WASHC2A: variants seen among roughly 807,000 people sequenced by gnomAD.
WASHC2A encodes the protein WASH complex subunit 2A.
Under a neutral mutation model 140.3 loss-of-function variants are expected in WASHC2A, and 82 were observed. The ratio of observed to expected loss-of-function variants is 0.58; its 90% CI spans 0.49 to 0.70. The LOEUF is 0.70. Among genes scored for constraint, WASHC2A ranks in the 30% least tolerant of loss-of-function variants. The pLI is 0.00. For missense variants in WASHC2A, 985 were observed against 1,521.8 expected (o/e 0.65, Z 5.87); for synonymous variants, 340 against 560.8 (o/e 0.61, Z 5.56).
intron 8 of WASHC2A, among the ~76,000 whole-genome samples, chr10:50,089,123 C>T (rs1259829284): frequency 1.3e-5 from 2 of 150,752 alleles, no homozygotes; most frequent in African/African-American, 4.9e-5. Context: ...TGCCACCATG[C>T]CCAGCTAGTT....
intron 19 of WASHC2A, among the ~76,000 whole-genome samples, chr10:50,107,503 C>CT (rs533108331): frequency 0.028 from 4,234 of 151,060 alleles, 171 homozygotes; most frequent in African/African-American, 0.093. Flanking sequence ...AATAATTCCT[C>CT]TTTTTTTTTA....
At position 50,126,176 on chromosome 10, in the gene WASHC2A, T is replaced by C. The variant is rs570061016; in HGVS notation, c.2808T>C (p.Pro936=). The change falls in exon 26 of 31, where the codon CCT becomes CCC. Residue 936 remains proline, a synonymous_variant. Coordinates refer to ENST00000282633, the MANE Select transcript of WASHC2A (RefSeq NM_001005751.3). The part of the protein sequence containing the change: ...KEKGIWKPET[P]QDSSGLAPFK... ...AAGGCATATGGAAGCCGGAAACACCTCAGGTTAGAAATCCTCTTTAAGGAT... is the reference window on the plus strand; with the variant it reads ...AAGGCATATGGAAGCCGGAAACACCCCAGGTTAGAAATCCTCTTTAAGGAT... The C allele has an allele frequency of 1.8e-4, 298 of 1,613,226 alleles. 4 individuals are homozygous for C. The South Asian group carries it at 3.2e-3, about 17-fold the overall frequency.
chr10:50,127,949 C>T (rs1183845862), intron 28 of WASHC2A, among the ~76,000 whole-genome samples, 154 bp downstream of exon 28: 2 of 152,100 alleles, frequency 1.3e-5, no homozygotes, highest in Non-Finnish European at 2.9e-5. Context: ...ACTCCATTCT[C>T]CCCACCCCCC....
chr10:50,128,602 A>G (rs2133099073), intron 28 of WASHC2A, among the ~76,000 whole-genome samples: 1 of 152,300 alleles, frequency 6.6e-6, no homozygotes, highest in East Asian at 1.9e-4. Context: ...ATGTTTCCAA[A>G]CCTGTTTCCT....
intron 2 of WASHC2A, among the ~76,000 whole-genome samples, chr10:50,068,929 A>G (rs868951625): frequency 2.1e-5 from 3 of 144,110 alleles, no homozygotes; most frequent in Middle Eastern, 7.4e-3. Context: ...TGTTGCCCAG[A>G]CTGGTCTGCA....
At chr10:50,107,926 A>AAAAAAAAAAAGAGAG (rs1841951969) in intron 19 of WASHC2A, among the ~76,000 whole-genome samples, 1 of 83,224 alleles carries the variant, frequency 1.2e-5, no homozygotes, top group Non-Finnish European at 2.5e-5. Flanking sequence ...CCGTCTCAAA[A>AAAAAAAAAAAGAGAG]AAAAGCTTAT....
intron 16 of WASHC2A, among the ~76,000 whole-genome samples, chr10:50,098,294 T>G (rs1261562883): frequency 5.3e-5 from 8 of 152,074 alleles, no homozygotes; most frequent in African/African-American, 1.9e-4. Flanking sequence ...AATACAGATT[T>G]AAAATTATCT....
chr10:50,129,851 G>A lies in WASHC2A; in HGVS notation c.3520G>A (p.Ala1174Thr). The change falls in exon 29 of 31, where the codon GCT (alanine) becomes ACT (threonine). Residue 1174 changes from alanine to threonine, a missense_variant. Coordinates refer to ENST00000282633, the MANE Select transcript of WASHC2A (RefSeq NM_001005751.3). ...GGKAKSPMFP[A>T]LGEASSDDDL... ...TAAAGCAAAGAGCCCCATGTTTCCTGCTCTAGGTGAGGCCAGCAGTGATGA... is the reference window on the plus strand; with the variant it reads ...TAAAGCAAAGAGCCCCATGTTTCCTACTCTAGGTGAGGCCAGCAGTGATGA... The A allele has an allele frequency of 6.2e-7, 1 of 1,612,034 alleles. No homozygotes were observed.
intron 5 of WASHC2A, among the ~76,000 whole-genome samples, chr10:50,082,636 C>G (rs1349400777): frequency 6.6e-6 from 1 of 150,604 alleles, no homozygotes; most frequent in Non-Finnish European, 1.5e-5. Flanking sequence ...TAACATGACA[C>G]CTGGCTAATT....
At chr10:50,104,188 A>G in intron 18 of WASHC2A, 45 bp downstream of exon 18, 1 of 1,566,586 alleles carries the variant, frequency 6.4e-7, no homozygotes, top group South Asian at 1.1e-5. Context: ...ATTAGGAGAA[A>G]ACGGTTGTTG....
At chr10:50,068,293 C>G in intron 2 of WASHC2A, 66 bp downstream of exon 2, 2 of 1,439,602 alleles carry the variant, frequency 1.4e-6, no homozygotes, top group East Asian at 2.5e-5. Context: ...GCAGGAGGGC[C>G]GGACCGCGAC....
At position 50,125,186 on chromosome 10, in the gene WASHC2A, T is replaced by A. The variant is rs1843331692; in HGVS notation, c.2552T>A (p.Leu851His). The A allele has an allele frequency of 1.2e-6, 2 of 1,610,420 alleles. No homozygotes were observed. The highest frequency in any genetic ancestry group is 1.7e-6 in the Non-Finnish European group (2 of 1,179,540). The stretch of plus-strand genomic sequence containing the variant: ...GAAGAGCTGCTTTTCAGCCACAAGC[T>A]CCAAAAGGACAATGACCCAGATGTT... ...QDEELLFSHK[L>H]QKDNDPDVDL... The change falls in exon 24 of 31, where the codon CTC becomes CAC. Residue 851 changes from leucine to histidine, a missense_variant. By Grantham distance (99) the Leu-to-His change is moderately conservative. Transcript: ENST00000282633.
intron 10 of WASHC2A, 32 bp downstream of exon 10, chr10:50,091,550 G>A (rs1221131523): frequency 1.6e-5 from 25 of 1,549,532 alleles, no homozygotes; most frequent in Admixed American, 3.9e-5. Context: ...GGGGAGTAGG[G>A]GGGGAGTAGT....
chr10:50,095,803 A>G, intron 15 of WASHC2A, 25 bp downstream of exon 15: 1 of 1,584,440 alleles, frequency 6.3e-7, no homozygotes, highest in Non-Finnish European at 8.6e-7. Context: ...CTCCGTTTCT[A>G]GGACTTCAGC....
chr10:50,126,200 A>T (rs1843415462), intron 26 of WASHC2A, 21 bp downstream of exon 26: 1 of 1,612,780 alleles, frequency 6.2e-7, no homozygotes, highest in Non-Finnish European at 8.5e-7. Context: ...CTCTTTAAGG[A>T]TTTTCAGCTC....
At chr10:50,097,836 T>C (rs1589215203) in intron 16 of WASHC2A, 34 bp downstream of exon 16, 2 of 1,611,468 alleles carry the variant, frequency 1.2e-6, no homozygotes, top group Non-Finnish European at 1.7e-6. Flanking sequence ...GCAGGAGCAT[T>C]GATCTGCCGC....
chr10:50,078,832 G>C, intron 4 of WASHC2A, 95 bp downstream of exon 4: 1 of 1,611,268 alleles, frequency 6.2e-7, no homozygotes, highest in Non-Finnish European at 8.5e-7. Flanking sequence ...TGGTGGGCGG[G>C]GTTGGGAAAG....
chr10:50,120,002 G>C (rs1842901929), intron 23 of WASHC2A, among the ~76,000 whole-genome samples: 2 of 137,340 alleles, frequency 1.5e-5, no homozygotes, highest in South Asian at 5.0e-4. Context: ...GGGATTTACA[G>C]ACCTTGTTGT....
At chr10:50,112,718 AT>A (rs1405868904) in intron 20 of WASHC2A, among the ~76,000 whole-genome samples, 2 of 152,072 alleles carry the variant, frequency 1.3e-5, no homozygotes, top group East Asian at 3.9e-4. Context: ...TTCTTCAGCA[AT>A]AAAAAAGAAT....
Sources: gnomAD v4.1 joint callset for allele counts (sites outside exome capture counted in the v4.1 genomes callset) on GRCh38, gnomAD v4.1.1 for gene constraint, MANE v1.5 for transcripts, NCBI Gene and HGNC (gene_info 2026-07-23, HGNC 2026-07-21) for gene names.